Variants in RAPGEF2 observed in about 807,000 individuals in gnomAD.
RAPGEF2 encodes Rap guanine nucleotide exchange factor 2, also known as PDZ domain containing guanine nucleotide exchange factor (GEF) 1.
A neutral mutation model predicts 186.7 loss-of-function variants in RAPGEF2; 54 were observed. The observed-to-expected ratio is 0.29, with a 90% CI of 0.23 to 0.36. The LOEUF is 0.36. Among genes scored for constraint, RAPGEF2 ranks in the 10% least tolerant of loss-of-function variants. RAPGEF2 has a pLI of 1.00. For synonymous variants in RAPGEF2, 712 were observed against 705.9 expected, an observed-to-expected ratio of 1.01 and a Z score of -0.14; for missense variants, 1,532 against 2,045.0, an observed-to-expected ratio of 0.75 and a Z score of 4.84.
In RAPGEF2 at chr4:159,126,382, A is replaced by G. The variant is rs543484255; in HGVS notation, c.69+22151A>G. Among the ~76,000 whole-genome samples the G allele has an allele frequency of 1.6e-4, 25 of 152,316 alleles. No individual in the cohort carries two copies. The South Asian group carries it at 5.2e-3, about 32-fold the overall frequency. ...TGTAAAGCAATTCATCATTCTTACCAAGCTGGGTGAAATTTTTAAAAATAA... is the reference window on the plus strand; with the variant it reads ...TGTAAAGCAATTCATCATTCTTACCGAGCTGGGTGAAATTTTTAAAAATAA... On this transcript the variant is annotated intron_variant, in intron 1 of 29. Coordinates refer to ENST00000691494, the MANE Select transcript of RAPGEF2 (RefSeq NM_001394067.2).
At chr4:159,312,530 T>C (rs572892964) in intron 8 of RAPGEF2, among the ~76,000 whole-genome samples, 1 of 152,274 alleles carries the variant, frequency 6.6e-6, no homozygotes, top group East Asian at 1.9e-4. Flanking sequence ...GAGTTTAAAT[T>C]ATGAGATGTG....
chr4:159,275,640 C>G (rs1448643514), intron 7 of RAPGEF2, among the ~76,000 whole-genome samples: 1 of 152,044 alleles, frequency 6.6e-6, no homozygotes, highest in Non-Finnish European at 1.5e-5. Context: ...TACGCTCTAT[C>G]TCTTGTCATA....
chr4:159,326,714 TTGG>T (rs1374075774), intron 11 of RAPGEF2: 1 of 152,264 alleles, frequency 6.6e-6, no homozygotes, highest in Non-Finnish European at 1.5e-5. Context: ...TACCAGGCAA[TTGG>T]TAATGGTTTT....
chr4:159,207,927 G>T (rs1750144477), intron 3 of RAPGEF2, among the ~76,000 whole-genome samples: 1 of 152,180 alleles, frequency 6.6e-6, no homozygotes, highest in Non-Finnish European at 1.5e-5. Flanking sequence ...CAAACCAAAC[G>T]AATGATTGCT....
At chr4:159,113,324 C>T (rs540948819) in intron 1 of RAPGEF2, among the ~76,000 whole-genome samples, 9 of 152,126 alleles carry the variant, frequency 5.9e-5, no homozygotes, top group South Asian at 2.1e-4. Flanking sequence ...ATCTTTGACC[C>T]GTTTTTTAAA....
chr4:159,338,467 T>C lies in RAPGEF2; in HGVS notation c.2292T>C (p.Pro764=). The change falls in exon 18 of 30, where the codon CCT becomes CCC. Residue 764 remains proline (P), a splice_region_variant and synonymous_variant. Coordinates refer to ENST00000691494, the MANE Select transcript of RAPGEF2 (RefSeq NM_001394067.2). ...GCATTTTAGACTTCAGTGCTACTCCTGGTGAGTATCACCAACACTTCTTTT... is the reference window on the plus strand; with the variant it reads ...GCATTTTAGACTTCAGTGCTACTCCCGGTGAGTATCACCAACACTTCTTTT... ...HHRILDFSAT[P]DLPDQVLRVF... is the part of the protein sequence containing the mutation. The C allele has an allele frequency of 5.0e-6, 8 of 1,609,932 alleles. No homozygotes were observed. The highest frequency in any genetic ancestry group is 1.7e-5 in the Admixed American group (1 of 59,802).
At chr4:159,104,707 C>G (rs757673090) in intron 1 of RAPGEF2, among the ~76,000 whole-genome samples, 1 of 152,146 alleles carries the variant, frequency 6.6e-6, no homozygotes, top group Non-Finnish European at 1.5e-5. Context: ...TCCGTTCCTC[C>G]CCTTGCAAGT....
intron 10 of RAPGEF2, among the ~76,000 whole-genome samples, chr4:159,322,943 AGTATAACTC>A (rs1199033404): frequency 6.6e-6 from 1 of 152,212 alleles, no homozygotes; most frequent in Non-Finnish European, 1.5e-5. Context: ...GAATTATGGG[AGTATAACTC>A]GAGATTTGGG....
At chr4:159,231,478 T>C (rs1752642223) in intron 4 of RAPGEF2, among the ~76,000 whole-genome samples, 1 of 151,996 alleles carries the variant, frequency 6.6e-6, no homozygotes, top group Non-Finnish European at 1.5e-5. Flanking sequence ...TATATCCGTG[T>C]GAGAAATAAT....
intron 7 of RAPGEF2, among the ~76,000 whole-genome samples, chr4:159,295,663 A>T (rs1761851876): frequency 6.6e-6 from 1 of 151,670 alleles, no homozygotes; most frequent in Non-Finnish European, 1.5e-5. Context: ...GATATCTCAG[A>T]TATCTTTCTT....
chr4:159,332,124 A>G (rs1384307010), intron 16 of RAPGEF2, 90 bp downstream of exon 16: 2 of 841,204 alleles, frequency 2.4e-6, no homozygotes, highest in East Asian at 2.7e-5. Flanking sequence ...TGGTAAAAGC[A>G]TAGATTAGAT....
chr4:159,179,205 C>CA (rs5863353), intron 1 of RAPGEF2, among the ~76,000 whole-genome samples: 110,585 of 151,958 alleles, frequency 0.73, 41,442 homozygotes, highest in African/African-American at 0.88. Context: ...AAATAGCTTA[C>CA]TTTTTTTTCA....
chr4:159,341,514 A>C, intron 19 of RAPGEF2, 50 bp from the exon 20 acceptor site: 1 of 1,512,116 alleles, frequency 6.6e-7, no homozygotes, highest in Non-Finnish European at 8.9e-7. Context: ...AAGGAATATC[A>C]TGAGATTGCT....
At chr4:159,351,945 C>A (rs767636223) in intron 26 of RAPGEF2, among the ~76,000 whole-genome samples, 1 of 152,092 alleles carries the variant, frequency 6.6e-6, no homozygotes, top group Non-Finnish European at 1.5e-5. Flanking sequence ...AGGGAGACTC[C>A]GTCTCAAAAA....
At chr4:159,106,776 A>G (rs992856221) in intron 1 of RAPGEF2, among the ~76,000 whole-genome samples, 1 of 152,162 alleles carries the variant, frequency 6.6e-6, no homozygotes, top group African/African-American at 2.4e-5. Flanking sequence ...CTCCGTGAAA[A>G]CATAGTTTTG....
intron 1 of RAPGEF2, among the ~76,000 whole-genome samples, chr4:159,115,045 A>G (rs201786319): frequency 1.3e-5 from 2 of 152,342 alleles, no homozygotes; most frequent in East Asian, 3.9e-4. Context: ...AACAATCTCT[A>G]CACATTTTCC....
intron 4 of RAPGEF2, among the ~76,000 whole-genome samples, chr4:159,227,574 G>A (rs1339992833): frequency 4.6e-5 from 7 of 152,200 alleles, no homozygotes; most frequent in Admixed American, 4.6e-4. Flanking sequence ...ACCTGTTTGT[G>A]CCACTGTGTA....
chr4:159,249,654 T>C (rs1312802897), intron 7 of RAPGEF2, among the ~76,000 whole-genome samples: 1 of 152,110 alleles, frequency 6.6e-6, no homozygotes, highest in Non-Finnish European at 1.5e-5. Flanking sequence ...CCTTATTTTC[T>C]CTGAAAAATT....
At chr4:159,125,771 AAT>A (rs1740234182) in intron 1 of RAPGEF2, among the ~76,000 whole-genome samples, 1 of 151,152 alleles carries the variant, frequency 6.6e-6, no homozygotes, top group African/African-American at 2.5e-5. Context: ...AAAAAAAAAA[AAT>A]AATAATTCGC....
Sources: allele counts gnomAD v4.1 joint callset (sites outside exome capture counted in the v4.1 genomes callset), GRCh38; gene constraint gnomAD v4.1.1; transcripts MANE v1.5; gene names NCBI Gene and HGNC (gene_info 2026-07-23, HGNC 2026-07-21).